The following SAMD13 variants were observed in gnomAD, a reference collection of about 807,000 sequenced individuals.
SAMD13 encodes the protein sterile alpha motif domain-containing protein 13.
Under a neutral mutation model 12.4 loss-of-function variants are expected in SAMD13, and 9 were observed. That is an observed-to-expected ratio of 0.72 (90% CI 0.44 to 1.26). The LOEUF (loss-of-function observed/expected upper bound fraction) is 1.26, where lower values mean the gene tolerates loss of function less well. SAMD13 is among the 50% of genes most tolerant of loss of function. The probability of loss-of-function intolerance (pLI) is 0.00; values close to 1 mark genes in which losing one functional copy is unlikely to be tolerated. For synonymous variants in SAMD13, 46 were observed against 45.4 expected (o/e 1.01, Z -0.05); for missense variants, 84 against 119.6 (o/e 0.70, Z 1.39).
chr1:84,327,756 A>G (rs181930915), intron 3 of SAMD13, among the ~76,000 whole-genome samples: 7 of 152,306 alleles, frequency 4.6e-5, no homozygotes, highest in Non-Finnish European at 8.8e-5. Context: ...ATGTGGACAT[A>G]TATGTGGTAA....
At chr1:84,331,327 G>GT (rs1213325377) in intron 3 of SAMD13, among the ~76,000 whole-genome samples, 394 of 2,968 alleles carry the variant, frequency 0.13, 10 homozygotes, top group Middle Eastern at 0.5. Context: ...GCCCTCCTTG[G>GT]TAAAAAAAAA....
intron 3 of SAMD13, among the ~76,000 whole-genome samples, chr1:84,342,566 A>G (rs1172892993): frequency 1.3e-5 from 2 of 152,194 alleles, no homozygotes; most frequent in East Asian, 3.8e-4. Context: ...ATCTACAATC[A>G]TCTGATCTTT....
chr1:84,330,707 G>T (rs140857718), intron 3 of SAMD13, among the ~76,000 whole-genome samples: 1 of 152,226 alleles, frequency 6.6e-6, no homozygotes, highest in African/African-American at 2.4e-5. Flanking sequence ...TTGTGGTGTA[G>T]TCACTTCATT....
chr1:84,327,715 T>C (rs1393118433), intron 3 of SAMD13, among the ~76,000 whole-genome samples: 5 of 152,192 alleles, frequency 3.3e-5, no homozygotes, highest in African/African-American at 1.2e-4. Context: ...GCATCAAACA[T>C]ATGCATTGGC....
chr1:84,301,768 C>A lies in SAMD13; in HGVS notation c.-66C>A. On this transcript the variant is annotated 5_prime_UTR_variant, in exon 1 of 4. Transcript: ENST00000394834. ...GGTTTCTTTGGCTGTTCTTGATAAG[C>A]CTATAAAAAATGATATTTTTTAGTT... The A allele has an allele frequency of 1.0e-6, 1 of 985,252 alleles. No homozygotes were observed. Among genetic ancestry groups the A allele is most frequent in the Non-Finnish European group, 1.2e-6 (1 of 829,882 alleles). The allele number at this position is 985,252 out of a possible 1,614,324, so 61.0% of individuals were successfully genotyped here.
chr1:84,328,448 G>A lies in SAMD13; in HGVS notation c.165+2700G>A, dbSNP rs369018996. 2.1e-4 allele frequency among the ~76,000 whole-genome samples: 32 copies of A among 152,266 alleles called. No individual in the cohort carries two copies. In the South Asian group the frequency reaches 6.4e-3, roughly 31 times the overall value. On this transcript the variant is annotated intron_variant, in intron 3 of 3. Transcript: ENST00000394834. ...GAAGCTTGAGTTTCTTCATTCTCAT[G>A]GAAGGGTGATTGGGTCAGGGAAGAG...
chr1:84,341,089 C>A (rs778436968), intron 3 of SAMD13, among the ~76,000 whole-genome samples: 7 of 152,214 alleles, frequency 4.6e-5, no homozygotes, highest in Non-Finnish European at 8.8e-5. Flanking sequence ...CCCCACCTCA[C>A]CCTCCCATTC....
At chr1:84,345,530 T>C (rs981823941) in intron 3 of SAMD13, among the ~76,000 whole-genome samples, 8 of 152,170 alleles carry the variant, frequency 5.3e-5, no homozygotes, top group African/African-American at 9.7e-5. Context: ...TTATGCACCA[T>C]CTGGGACAGT....
chr1:84,300,789 C>T (rs1286978111), upstream of SAMD13, among the ~76,000 whole-genome samples: 2 of 152,138 alleles, frequency 1.3e-5, no homozygotes, highest in Non-Finnish European at 2.9e-5. Context: ...AGATCTTGCC[C>T]AGCCTCTCTG....
intron 3 of SAMD13, among the ~76,000 whole-genome samples, chr1:84,336,764 T>C (rs1679303794): frequency 6.6e-6 from 1 of 152,076 alleles, no homozygotes; most frequent in Non-Finnish European, 1.5e-5. Flanking sequence ...CAGCATTAAC[T>C]CAAAAGTCCA....
intron 3 of SAMD13, among the ~76,000 whole-genome samples, chr1:84,328,529 T>G (rs1172575632): frequency 6.6e-6 from 1 of 152,092 alleles, no homozygotes; most frequent in African/African-American, 2.4e-5. Context: ...CTTTTCCCAT[T>G]AAAGGACTGG....
chr1:84,339,797 A>C (rs1263200783), intron 3 of SAMD13, among the ~76,000 whole-genome samples: 1 of 152,202 alleles, frequency 6.6e-6, no homozygotes, highest in Admixed American at 6.5e-5. Flanking sequence ...TAGGCAAGAG[A>C]GTTCTCTTCT....
At chr1:84,310,162 CAT>C (rs1393246894) in intron 2 of SAMD13, among the ~76,000 whole-genome samples, 21 of 152,096 alleles carry the variant, frequency 1.4e-4, no homozygotes, top group Admixed American at 5.2e-4. Flanking sequence ...TTATTTAACT[CAT>C]TATATCACTT....
At chr1:84,335,260 AT>A (rs1369449143) in intron 3 of SAMD13, among the ~76,000 whole-genome samples, 2 of 152,136 alleles carry the variant, frequency 1.3e-5, no homozygotes, top group Non-Finnish European at 2.9e-5. Flanking sequence ...GGATAGTTAC[AT>A]CTTCTTGTTG....
chr1:84,306,830 AAATAAT>A lies in SAMD13; in HGVS notation c.53+3564_53+3569del, dbSNP rs56408257. ...TGGGTGACAGTGAGACTCCGTCTCA[AAATAAT>A]AATAATAATAATAATAATAAAATAA... On this transcript the variant is annotated intron_variant, in intron 2 of 3. Coordinates refer to ENST00000394834, the MANE Select transcript of SAMD13 (RefSeq NM_001134663.2). 4.2e-3 allele frequency among the ~76,000 whole-genome samples: 609 copies of A among 144,480 alleles called. 5 individuals are homozygous for A. Among genetic ancestry groups the A allele is most frequent in the African/African-American group, 0.015 (586 of 39,736 alleles). The allele number at this position is 144,480 out of a possible 152,430, so 94.8% of individuals were successfully genotyped here. A position where few individuals can be genotyped will look rare whatever the true frequency, so the allele number is the denominator to read the frequency against.
chr1:84,314,051 A>G (rs1456966300), intron 2 of SAMD13, among the ~76,000 whole-genome samples: 1 of 152,214 alleles, frequency 6.6e-6, no homozygotes, highest in Non-Finnish European at 1.5e-5. Flanking sequence ...GAAGTAAAAT[A>G]TTAAGGTAGA....
At chr1:84,332,613 T>C (rs989201474) in intron 3 of SAMD13, among the ~76,000 whole-genome samples, 3 of 152,198 alleles carry the variant, frequency 2.0e-5, no homozygotes, top group Admixed American at 6.6e-5. Flanking sequence ...AAGTTTCTTA[T>C]AGATTCTGAA....
chr1:84,325,488 G>A, intron 2 of SAMD13, 149 bp from the exon 3 acceptor site: 1 of 600,724 alleles, frequency 1.7e-6, no homozygotes, highest in Non-Finnish European at 3.0e-6. Flanking sequence ...AATGTCAAAT[G>A]GTTTATTAGC....
chr1:84,324,273 C>A (rs1250632383), intron 2 of SAMD13, among the ~76,000 whole-genome samples: 2 of 152,160 alleles, frequency 1.3e-5, no homozygotes, highest in Non-Finnish European at 2.9e-5. Flanking sequence ...CTCCTCATTG[C>A]TCTTAGCAAA....
Sources: allele counts gnomAD v4.1 joint callset (sites outside exome capture counted in the v4.1 genomes callset), GRCh38; gene constraint gnomAD v4.1.1; transcripts MANE v1.5; gene names NCBI Gene and HGNC (gene_info 2026-07-23, HGNC 2026-07-21).